The following SFXN5 variants were observed in gnomAD, a reference collection of about 807,000 sequenced individuals.
The protein encoded by SFXN5 is sideroflexin 5, also known as sideroflexin-5.
In SFXN5, 43 loss-of-function variants were observed where a neutral mutation model predicts 50.2. The ratio of observed to expected loss-of-function variants is 0.86; its 90% CI spans 0.67 to 1.11. The LOEUF is 1.11. SFXN5 is among the 50% of genes least tolerant of loss of function. The pLI, the probability that SFXN5 is intolerant of heterozygous loss-of-function variation, is 0.00. For synonymous variants in SFXN5, 203 were observed against 185.8 expected (o/e 1.09, Z -0.75); for missense variants, 463 against 454.1 (o/e 1.02, Z -0.18).
intron 8 of SFXN5, among the ~76,000 whole-genome samples, chr2:72,999,562 A>G (rs982234223): frequency 6.6e-6 from 1 of 151,898 alleles, no homozygotes; most frequent in East Asian, 2.0e-4. Flanking sequence ...CTGTGCTACA[A>G]CTGCAGGTCT....
Position 72,960,474 on chromosome 2 carries a change from C to T in SFXN5, c.945+657G>A, listed in dbSNP as rs958562846. Among the ~76,000 whole-genome samples, 7 of 152,128 alleles carry T rather than the reference C, an allele frequency of 4.6e-5. No individual in the cohort carries two copies. Among genetic ancestry groups the T allele is most frequent in the Admixed American group, 1.3e-4 (2 of 15,280 alleles). ...ACAGCCTGGTCCAAGCCGCCATCAC[C>T]GCTTGCTGGATGCCCGCCACAGGCT... On this transcript the variant is annotated intron_variant, in intron 13 of 13. Transcript: ENST00000272433. The surrounding 1 kb of genome is among the most constrained non-coding windows in gnomAD (Gnocchi z 6.1).
chr2:73,017,221 AAGG>A (rs1441289231), intron 6 of SFXN5, among the ~76,000 whole-genome samples: 3 of 152,218 alleles, frequency 2.0e-5, no homozygotes, highest in South Asian at 2.1e-4. Flanking sequence ...AAAAAATAAG[AAGG>A]AGAAGTTGTT....
At chr2:72,984,886 C>T (rs1671714860) in intron 10 of SFXN5, among the ~76,000 whole-genome samples, 1 of 152,132 alleles carries the variant, frequency 6.6e-6, no homozygotes, top group Non-Finnish European at 1.5e-5. Flanking sequence ...TGTAGCCCAC[C>T]TCCCAGGCTT....
rs145615499 is a variant in SFXN5, at chr2:72,973,762, C to T, written c.626-2077G>A. 6.6e-6 allele frequency among the ~76,000 whole-genome samples: 1 copy of T among 152,282 alleles called. No individual in the cohort carries two copies. The highest frequency in any genetic ancestry group is 1.5e-5 in the Non-Finnish European group (1 of 68,028). ...CCAGGGTAGCCTTGGGAAGCAGCCA[C>T]CTGGCCTCTGTGTTAGTGACATGCC... On this transcript the variant is annotated intron_variant, in intron 10 of 13. Coordinates refer to ENST00000272433, the MANE Select transcript of SFXN5 (RefSeq NM_144579.3). The surrounding 1 kb of genome is among the most constrained non-coding windows in gnomAD (Gnocchi z 5.5).
intron 3 of SFXN5, among the ~76,000 whole-genome samples, chr2:73,025,607 C>G (rs151060379): frequency 6.6e-6 from 1 of 152,186 alleles, no homozygotes; most frequent in East Asian, 1.9e-4. Flanking sequence ...AGGAAGGGGA[C>G]GTGACAGCAG....
chr2:73,001,419 C>T (rs1198006704), intron 7 of SFXN5, 106 bp downstream of exon 7: 6 of 1,204,212 alleles, frequency 5.0e-6, no homozygotes, highest in Non-Finnish European at 3.7e-6. Context: ...GTGGACTGAC[C>T]CTACACGGGG....
chr2:72,957,405 C>G (rs1673220720), intron 13 of SFXN5, among the ~76,000 whole-genome samples: 1 of 152,204 alleles, frequency 6.6e-6, no homozygotes, highest in African/African-American at 2.4e-5. Flanking sequence ...GCAGATAAAA[C>G]TCTCCCCCAG....
chr2:72,974,151 G>A (rs1227618663), intron 10 of SFXN5, among the ~76,000 whole-genome samples: 1 of 152,192 alleles, frequency 6.6e-6, no homozygotes, highest in African/African-American at 2.4e-5. Flanking sequence ...CACACAAAAT[G>A]TCAGCCTCTG....
Position 73,027,068 on chromosome 2 carries a change from A to T in SFXN5, c.250-3854T>A, listed in dbSNP as rs1031273876. On this transcript the variant is annotated intron_variant, in intron 3 of 13. Coordinates refer to ENST00000272433, the MANE Select transcript of SFXN5 (RefSeq NM_144579.3). ...GAGTGTATACCTTCTATTTATATTT[A>T]AAAAAAAAAAGTTAACTGTTAAACA... Among the ~76,000 whole-genome samples the T allele has an allele frequency of 1.3e-3, 114 of 86,530 alleles. 1 individual carries two copies. The highest frequency in any genetic ancestry group is 2.7e-3 in the Admixed American group (15 of 5,570). 56.8% of individuals were successfully genotyped at this position (86,530 alleles called of 152,430 possible).
intron 6 of SFXN5, among the ~76,000 whole-genome samples, chr2:73,014,382 G>A (rs947304073): frequency 3.2e-4 from 48 of 152,132 alleles, no homozygotes; most frequent in African/African-American, 1.2e-3. Context: ...ATTTCCATAT[G>A]GGCATGTCTC....
At chr2:73,044,248 G>C (rs1680010034) in intron 2 of SFXN5, among the ~76,000 whole-genome samples, 1 of 152,246 alleles carries the variant, frequency 6.6e-6, no homozygotes, top group Admixed American at 6.5e-5. Context: ...TGGGTTGCGG[G>C]AGAACAAGAT....
intron 9 of SFXN5, chr2:72,996,502 G>GTTTTTTTT (rs1183156160): frequency 1.8e-5 from 2 of 113,550 alleles, no homozygotes. Context: ...AAAAAGCTGA[G>GTTTTTTTT]TTTTGTTTTT....
rs577883769 is a variant in SFXN5, at chr2:72,961,208, C to T, written c.868G>A (p.Val290Met). Residue 290 changes from valine (V) to methionine (M), a missense_variant, in exon 13 of 14, where the codon GTG becomes ATG. By Grantham distance (21) the Val-to-Met change is conservative. Coordinates refer to ENST00000272433, the MANE Select transcript of SFXN5 (RefSeq NM_144579.3). The surrounding 1 kb of genome is among the most constrained non-coding windows in gnomAD (Gnocchi z 4.4). ...GCTGCCAGGCACACGAGGCTTTGCA[C>T]AGGGAGGAGCAGCCGGGGGCGTGCC... Reference protein sequence around the residue: ...LQARPRLLLPVQSLVCLAAFG... With the variant: ...LQARPRLLLPMQSLVCLAAFG... 1.3e-4 allele frequency: 195 copies of T among 1,547,386 alleles called. No homozygotes were observed. Among genetic ancestry groups the T allele is most frequent in the Non-Finnish European group, 1.6e-4 (187 of 1,153,474 alleles).
chr2:73,019,677 C>G lies in SFXN5; in HGVS notation c.357+562G>C, dbSNP rs189980342. 2.2e-3 allele frequency: 341 copies of G among 152,966 alleles called. 3 individuals carry two copies. Among genetic ancestry groups the G allele is most frequent in the South Asian group, 5.1e-3 (25 of 4,860 alleles). 9.5% of individuals were successfully genotyped at this position (152,966 alleles called of 1,614,324 possible). Reference sequence around the variant, plus strand: ...TCTTCTGACCTCATGATCTGCCTGCCTTGGCCTCCCAAAGTGCTGGGATTA... The same window carrying G: ...TCTTCTGACCTCATGATCTGCCTGCGTTGGCCTCCCAAAGTGCTGGGATTA... On this transcript the variant is annotated intron_variant, in intron 6 of 13. Coordinates refer to ENST00000272433, the MANE Select transcript of SFXN5 (RefSeq NM_144579.3).
intron 9 of SFXN5, 92 bp downstream of exon 9, chr2:72,998,857 G>T (rs1229081536): frequency 2.4e-5 from 34 of 1,398,082 alleles, no homozygotes; most frequent in Non-Finnish European, 6.0e-6. Context: ...TCCTTGCCTG[G>T]CCTGGCCCTC....
At chr2:72,985,791 AAAG>A (rs1245820051) in intron 10 of SFXN5, among the ~76,000 whole-genome samples, 2 of 152,160 alleles carry the variant, frequency 1.3e-5, no homozygotes, top group African/African-American at 4.8e-5. Context: ...TCATTCCCAA[AAAG>A]AAGAGGGGAG....
chr2:73,000,311 AGAG>A (rs1673741039), intron 8 of SFXN5, 117 bp downstream of exon 8: 1 of 917,716 alleles, frequency 1.1e-6, no homozygotes, highest in Admixed American at 2.4e-5. Flanking sequence ...TAAGATATCT[AGAG>A]GAGGGCCATG....
intron 1 of SFXN5, chr2:73,070,863 T>TGGGG (rs1016290434): frequency 6.6e-6 from 1 of 151,198 alleles, no homozygotes; most frequent in African/African-American, 2.4e-5. Context: ...AGGAAGAGGC[T>TGGGG]GGGGGGGGGT....
intron 1 of SFXN5, among the ~76,000 whole-genome samples, chr2:73,068,904 T>C (rs1683369754): frequency 6.6e-6 from 1 of 150,870 alleles, no homozygotes; most frequent in Non-Finnish European, 1.5e-5. Context: ...TGAGGAAGAA[T>C]GGGAACAAGA....
Sources: gnomAD v4.1 joint callset for allele counts (sites outside exome capture counted in the v4.1 genomes callset) on GRCh38, gnomAD v4.1.1 for gene constraint, Gnocchi (gnomAD v3.1) non-coding constraint, MANE v1.5 for transcripts, NCBI Gene and HGNC (gene_info 2026-07-23, HGNC 2026-07-21) for gene names.